SPTA1: variants seen among roughly 807,000 people sequenced by gnomAD.
SPTA1 encodes the protein spectrin alpha, erythrocytic 1.
Under a neutral mutation model 324.7 loss-of-function variants are expected in SPTA1, and 177 were observed. The ratio of observed to expected loss-of-function variants is 0.55; its 90% CI spans 0.48 to 0.62. SPTA1 has a LOEUF of 0.62. Ranked by LOEUF, SPTA1 falls within the 20% of genes least tolerant of loss-of-function variation. The pLI is 0.00. For synonymous variants in SPTA1, 1,195 were observed against 1,041.3 expected (o/e 1.15, Z -2.84); for missense variants, 3,162 against 2,883.6 (o/e 1.10, Z -2.21).
intron 38 of SPTA1, among the ~76,000 whole-genome samples, 173 bp downstream of exon 38, chr1:158,635,740 G>A (rs1366869952): frequency 3.9e-5 from 6 of 152,174 alleles, no homozygotes; most frequent in African/African-American, 7.2e-5. Context: ...ATCGTGTCTG[G>A]GGTATATGGA....
intron 29 of SPTA1, 79 bp downstream of exon 29, chr1:158,645,109 G>A: frequency 2.0e-6 from 3 of 1,470,486 alleles, no homozygotes; most frequent in Admixed American, 1.7e-5. Flanking sequence ...CTAGTGAACG[G>A]AGCCTGTAAT....
intron 39 of SPTA1, among the ~76,000 whole-genome samples, chr1:158,628,790 G>A (rs1650467396): frequency 6.6e-6 from 1 of 151,946 alleles, no homozygotes; most frequent in Admixed American, 6.6e-5. Flanking sequence ...GAGATCACAA[G>A]AAAAGATTAC....
At chr1:158,633,965 C>T (rs1317628679) in intron 39 of SPTA1, among the ~76,000 whole-genome samples, 1 of 152,102 alleles carries the variant, frequency 6.6e-6, no homozygotes, top group African/African-American at 2.4e-5. Flanking sequence ...TTTCCAAAGT[C>T]CTAATACATT....
At chr1:158,627,102 C>A in intron 40 of SPTA1, 95 bp from the exon 41 acceptor site, 1 of 1,501,168 alleles carries the variant, frequency 6.7e-7, no homozygotes, top group Non-Finnish European at 9.2e-7. Context: ...TCTCCCATTT[C>A]AAATATATAA....
At chr1:158,618,005 T>A in intron 46 of SPTA1, 34 bp downstream of exon 46, 1 of 1,596,688 alleles carries the variant, frequency 6.3e-7, no homozygotes, top group African/African-American at 1.3e-5. Context: ...AATAATATAA[T>A]AAAGCAAACA....
intron 10 of SPTA1, among the ~76,000 whole-genome samples, chr1:158,672,933 C>T (rs1322921435): frequency 7.2e-6 from 1 of 138,516 alleles, no homozygotes; most frequent in Non-Finnish European, 1.5e-5. Flanking sequence ...CCGGTTTCTA[C>T]CAAAAAAAAA....
rs765170838 is a variant in SPTA1 at position 158,651,460 on chromosome 1, A to G, written c.3384T>C (p.Asn1128=). Residue 1128 remains asparagine (N), a synonymous_variant, in exon 24 of 52, where the codon AAT becomes AAC. Coordinates refer to ENST00000643759, the MANE Select transcript of SPTA1 (RefSeq NM_003126.4). ...TATCCCTTAGCCGAGGCTCATTGGTATTCAAATCCTGAATGGGAAAATTCA... is the reference window on the plus strand; with the variant it reads ...TATCCCTTAGCCGAGGCTCATTGGTGTTCAAATCCTGAATGGGAAAATTCA... ...KKFDEFQKDL[N]TNEPRLRDIN... 2 of 1,611,030 alleles carry G rather than the reference A, an allele frequency of 1.2e-6. No individual in the cohort carries two copies. The highest frequency in any genetic ancestry group is 1.3e-5 in the African/African-American group (1 of 74,840).
rs943417368 is a variant in SPTA1, at chr1:158,611,206, C to T, written c.*58G>A. 6 of 1,598,598 alleles carry T rather than the reference C, an allele frequency of 3.8e-6. No homozygotes were observed. The highest frequency in any genetic ancestry group is 1.3e-5 in the African/African-American group (1 of 74,354). Reference sequence around the variant, plus strand: ...CTTCCACATTTGCCTGTACTCTTTGCCCCCCAGTAAATTTCCCACGACACT... The same window carrying T: ...CTTCCACATTTGCCTGTACTCTTTGTCCCCCAGTAAATTTCCCACGACACT... On this transcript the variant is annotated 3_prime_UTR_variant, in exon 52 of 52. Coordinates refer to ENST00000643759, the MANE Select transcript of SPTA1 (RefSeq NM_003126.4).
In SPTA1 at chr1:158,644,385, C is replaced by T. The variant is rs774133420; in HGVS notation, c.4206G>A (p.Gly1402=). The change falls in exon 30 of 52, where the codon GGG becomes GGA. Residue 1402 remains glycine, a synonymous_variant. Coordinates refer to ENST00000643759, the MANE Select transcript of SPTA1 (RefSeq NM_003126.4). The part of the protein sequence containing the change: ...DQCLELQMFQ[G]NCDQVESWMV... ...TCCAGCTCTCAACTTGATCACAGTT[C>T]CCCTGGAACATCTATGAGGAATCAA... 4 of 1,613,592 alleles carry T rather than the reference C, an allele frequency of 2.5e-6. No individual in the cohort carries two copies. Among genetic ancestry groups the T allele is most frequent in the Admixed American group, 1.7e-5 (1 of 59,930 alleles).
chr1:158,617,565 G>A lies in SPTA1; in HGVS notation c.6572C>T (p.Thr2191Ile). 1 of 1,613,456 alleles carries A rather than the reference G, an allele frequency of 6.2e-7. No individual in the cohort carries two copies. The highest frequency in any genetic ancestry group is 1.1e-5 in the South Asian group (1 of 91,064). Residue 2191 changes from threonine (T) to isoleucine (I), a missense_variant, in exon 47 of 52, where the codon ACT becomes ATT. Physicochemically the swap from Thr to Ile is moderately conservative, Grantham distance 89 (BLOSUM62 -1). Transcript: ENST00000643759. ...LDGSLLKETGTLESQLEANKR... is the reference protein window; with the variant it reads ...LDGSLLKETGILESQLEANKR... ...ATTTGCTTCCAGCTGAGATTCCAGA[G>A]TTCCTGTTTCTTTGAGCAATGATCT...
intron 38 of SPTA1, among the ~76,000 whole-genome samples, chr1:158,635,693 C>T (rs1372008358): frequency 6.6e-6 from 1 of 152,096 alleles, no homozygotes; most frequent in East Asian, 1.9e-4. Context: ...CATGTAAATG[C>T]AGAAGGAGAG....
chr1:158,645,807 C>A (rs1299788422), intron 27 of SPTA1, among the ~76,000 whole-genome samples: 1 of 152,136 alleles, frequency 6.6e-6, no homozygotes, highest in Non-Finnish European at 1.5e-5. Context: ...CTTTTATTAT[C>A]TTTTTCAATT....
chr1:158,675,955 G>T (rs1409563863), intron 8 of SPTA1, among the ~76,000 whole-genome samples, 186 bp downstream of exon 8: 1 of 152,114 alleles, frequency 6.6e-6, no homozygotes, highest in African/African-American at 2.4e-5. Flanking sequence ...ACAGATAAGG[G>T]GGTGCTACTA....
chr1:158,613,659 T>C, intron 50 of SPTA1, 62 bp downstream of exon 50: 3 of 1,607,866 alleles, frequency 1.9e-6, no homozygotes, highest in Non-Finnish European at 2.6e-6. Flanking sequence ...CATTTTACTC[T>C]CTGTGCTTCT....
chr1:158,649,199 A>T (rs1652232542), intron 25 of SPTA1, among the ~76,000 whole-genome samples: 1 of 152,216 alleles, frequency 6.6e-6, no homozygotes, highest in South Asian at 2.1e-4. Context: ...AGTCAATGTG[A>T]TGTCTGTTGC....
chr1:158,621,437 A>G lies in SPTA1; in HGVS notation c.6121-971T>C, dbSNP rs745315119. 3.9e-5 allele frequency among the ~76,000 whole-genome samples: 6 copies of G among 152,190 alleles called. No homozygotes were observed. In the East Asian group the frequency reaches 7.7e-4, roughly 20 times the overall value. ...GCAATCTATATGCCAAAATAGATCAATACAGAGAAAATTAACATGACCTCT... is the reference window on the plus strand; with the variant it reads ...GCAATCTATATGCCAAAATAGATCAGTACAGAGAAAATTAACATGACCTCT... On this transcript the variant is annotated intron_variant, in intron 43 of 51. Transcript: ENST00000643759.
intron 39 of SPTA1, among the ~76,000 whole-genome samples, chr1:158,632,030 T>C (rs897767037): frequency 2.6e-5 from 4 of 152,160 alleles, no homozygotes; most frequent in African/African-American, 9.6e-5. Flanking sequence ...ATAGCCAAGA[T>C]ATGGACACAA....
At chr1:158,647,861 T>A (rs1652116257) in intron 26 of SPTA1, 141 bp from the exon 27 acceptor site, 1 of 895,382 alleles carries the variant, frequency 1.1e-6, no homozygotes, top group Non-Finnish European at 1.7e-6. Flanking sequence ...TACAAAATAA[T>A]ATCAACCTTT....
intron 51 of SPTA1, 197 bp downstream of exon 51, chr1:158,612,620 T>C (rs1649327812): frequency 1.7e-6 from 1 of 605,166 alleles, no homozygotes; most frequent in Non-Finnish European, 2.9e-6. Context: ...TCACATTCAA[T>C]AGAGTACCAC....
Sources: allele counts gnomAD v4.1 joint callset (sites outside exome capture counted in the v4.1 genomes callset), GRCh38; gene constraint gnomAD v4.1.1; transcripts MANE v1.5; gene names NCBI Gene and HGNC (gene_info 2026-07-23, HGNC 2026-07-21).